The following PRKCG variants were observed in gnomAD, a reference collection of about 807,000 sequenced individuals.
PRKCG encodes the protein protein kinase C gamma type.
In PRKCG, 28 loss-of-function variants were observed where a neutral mutation model predicts 82.0. The observed-to-expected ratio is 0.34, with a 90% CI of 0.25 to 0.47. PRKCG has a LOEUF of 0.47. Ranked by LOEUF, PRKCG falls within the 20% of genes least tolerant of loss-of-function variation. The probability of loss-of-function intolerance (pLI) is 1.00; values close to 1 mark genes in which losing one functional copy is unlikely to be tolerated. For synonymous variants in PRKCG, 383 were observed against 376.6 expected (o/e 1.02, Z -0.20); for missense variants, 640 against 952.7 (o/e 0.67, Z 4.32).
chr19:53,896,523 G>T (rs559495983), intron 9 of PRKCG, among the ~76,000 whole-genome samples: 1 of 152,068 alleles, frequency 6.6e-6, no homozygotes, highest in Non-Finnish European at 1.5e-5. Context: ...GGGTTCAAGC[G>T]ATTCTCCTGC....
Position 53,906,817 on chromosome 19 carries a change from C to G in PRKCG, c.2016C>G (p.Gly672=). 6.2e-7 allele frequency: 1 copy of G among 1,613,808 alleles called. No individual in the cohort carries two copies. The highest frequency in any genetic ancestry group is 8.5e-7 in the Non-Finnish European group (1 of 1,180,018). Residue 672 remains glycine (G), a synonymous_variant, in exon 18 of 18, where the codon GGC becomes GGG. Transcript: ENST00000263431. ...LASIDQADFQ[G]FTYVNPDFVH... ...GCATCGACCAGGCCGATTTCCAGGGCTTCACCTACGTGAACCCCGACTTCG... is the reference window on the plus strand; with the variant it reads ...GCATCGACCAGGCCGATTTCCAGGGGTTCACCTACGTGAACCCCGACTTCG...
At chr19:53,891,919 G>A (rs997051082) in intron 6 of PRKCG, 89 bp downstream of exon 6, 6 of 1,563,030 alleles carry the variant, frequency 3.8e-6, no homozygotes, top group Non-Finnish European at 5.3e-6. Flanking sequence ...TGATGGGAGG[G>A]GTTAGGATAG....
chr19:53,893,302 T>C (rs1343907155), intron 8 of PRKCG, 60 bp from the exon 9 acceptor site: 1 of 1,558,970 alleles, frequency 6.4e-7, no homozygotes, highest in Admixed American at 1.7e-5. Flanking sequence ...CACCAGCCCC[T>C]GTTCTAGGGC....
rs2068757688 is a variant in PRKCG at position 53,900,745 on chromosome 19, C to T, written c.1571C>T (p.Pro524Leu). 3 of 1,614,178 alleles carry T rather than the reference C, an allele frequency of 1.9e-6. No homozygotes were observed. Among genetic ancestry groups the T allele is most frequent in the African/African-American group, 1.3e-5 (1 of 75,058 alleles). Residue 524 changes from proline to leucine, a missense_variant, in exon 14 of 18, where the codon CCG becomes CTG. Physicochemically the swap from Pro to Leu is moderately conservative, Grantham distance 98. Coordinates refer to ENST00000263431, the MANE Select transcript of PRKCG (RefSeq NM_002739.5). The surrounding 1 kb of genome is among the most constrained non-coding windows in gnomAD (Gnocchi z 4.2). ...TGCGGGACCCCGGACTACATAGCCC[C>T]GGAGGTAACCCCAACCCTGCTGCTC... ...TFCGTPDYIA[P>L]EIIAYQPYGK... is the part of the protein sequence containing the mutation.
At position 53,890,108 on chromosome 19, in the gene PRKCG, C is replaced by A. The variant is rs936194106; in HGVS notation, c.529+91C>A. ...CACTTGTGCTGGCCCAGCCCTACCC[C>A]AAAGATGGGGCCACGCCTCTTTCTA... is the stretch of plus-strand genomic sequence containing the variant. On this transcript the variant is annotated intron_variant, in intron 5 of 17. Transcript: ENST00000263431. 46 of 1,361,768 alleles carry A rather than the reference C, an allele frequency of 3.4e-5. No individual in the cohort carries two copies. The African/African-American group carries it at 5.9e-4, about 17-fold the overall frequency. The allele number at this position is 1,361,768 out of a possible 1,614,324, so 84.4% of individuals were successfully genotyped here.
Position 53,883,097 on chromosome 19 carries a change from G to T in PRKCG, c.171-66G>T, listed in dbSNP as rs947360043. ...GGGTCAGAGAGCGCAGGCCCCCTGT[G>T]GCTCGCAGAGGTTGGGGGTCCAGGT... On this transcript the variant is annotated intron_variant, in intron 1 of 17. Coordinates refer to ENST00000263431, the MANE Select transcript of PRKCG (RefSeq NM_002739.5). This position sits in a 1 kb window ranked among gnomAD's most constrained non-coding sequence, Gnocchi z 5.4. 7 of 1,596,612 alleles carry T rather than the reference G, an allele frequency of 4.4e-6. No individual in the cohort carries two copies. The African/African-American group carries it at 9.4e-5, about 21-fold the overall frequency.
At chr19:53,890,160 C>T (rs141893409) in intron 5 of PRKCG, 143 bp downstream of exon 5, 55 of 920,954 alleles carry the variant, frequency 6.0e-5, no homozygotes, top group Non-Finnish European at 8.9e-5. Flanking sequence ...CCTGACCCCA[C>T]CCCAAAGGCC....
chr19:53,898,733 C>A, intron 11 of PRKCG, 105 bp downstream of exon 11: 1 of 1,037,422 alleles, frequency 9.6e-7, no homozygotes, highest in Non-Finnish European at 1.3e-6. Context: ...GAACTTTGTG[C>A]TCTCTGAGTG....
Position 53,898,562 on chromosome 19 carries a change from G to T in PRKCG, c.1215G>T (p.Leu405=), listed in dbSNP as rs775111826. The part of the protein sequence containing the change: ...CTLVEKRVLA[L]GGRGPGGRPH... ...TGGTGGAGAAACGTGTGCTGGCGCT[G>T]GGGGGCCGGGGTCCTGGCGGCCGGC... Residue 405 remains leucine (L), a synonymous_variant, in exon 11 of 18, where the codon CTG becomes CTT. Transcript: ENST00000263431. 6.2e-7 allele frequency: 1 copy of T among 1,612,264 alleles called. No homozygotes were observed. The highest frequency in any genetic ancestry group is 8.5e-7 in the Non-Finnish European group (1 of 1,179,624).
In PRKCG at chr19:53,890,034, T is replaced by C. The variant is rs1157704760; in HGVS notation, c.529+17T>C. 2 of 1,548,656 alleles carry C rather than the reference T, an allele frequency of 1.3e-6. No individual in the cohort carries two copies. The highest frequency in any genetic ancestry group is 2.4e-5 in the South Asian group (2 of 84,330). On this transcript the variant is annotated intron_variant, in intron 5 of 17. Coordinates refer to ENST00000263431, the MANE Select transcript of PRKCG (RefSeq NM_002739.5). ...ACGTAACTGGTGAGGCCCCGCCCCC[T>C]CGCCTGGCCCCGCCCCCTCCCCAAG...
intron 14 of PRKCG, among the ~76,000 whole-genome samples, 182 bp from the exon 15 acceptor site, chr19:53,902,890 CA>C (rs56955659): frequency 0.17 from 3,313 of 19,878 alleles, 91 homozygotes; most frequent in East Asian, 0.33. Context: ...GAGACCCTGT[CA>C]AAAAAAAAAA....
At position 53,889,331 on chromosome 19, in the gene PRKCG, C is replaced by G. The variant is rs1297306964; in HGVS notation, c.286-307C>G. Among the ~76,000 whole-genome samples the G allele has an allele frequency of 2.0e-5, 3 of 152,166 alleles. No homozygotes were observed. Among genetic ancestry groups the G allele is most frequent in the African/African-American group, 7.2e-5 (3 of 41,436 alleles). On this transcript the variant is annotated intron_variant, in intron 3 of 17. Coordinates refer to ENST00000263431, the MANE Select transcript of PRKCG (RefSeq NM_002739.5). This position sits in a 1 kb window ranked among gnomAD's most constrained non-coding sequence, Gnocchi z 4.4. ...CTGCCTCATTTTTTCTCCAGAGCAC[C>G]CATTACCAACCATCAAACTATATGT...
chr19:53,904,624 C>T lies in PRKCG; in HGVS notation c.1657-11C>T, dbSNP rs775969103. The T allele has an allele frequency of 6.2e-7, 1 of 1,610,296 alleles. No homozygotes were observed. The highest frequency in any genetic ancestry group is 1.1e-5 in the South Asian group (1 of 90,306). ...CATGTCCCTGACTCTCTATCCCCTCCACTTTGATAGCCTCCCTTCGATGGG... is the reference window on the plus strand; with the variant it reads ...CATGTCCCTGACTCTCTATCCCCTCTACTTTGATAGCCTCCCTTCGATGGG... On this transcript the variant is annotated splice_polypyrimidine_tract_variant and intron_variant, in intron 15 of 17. Transcript: ENST00000263431.
In PRKCG at chr19:53,898,563, G is replaced by T; in HGVS notation, c.1216G>T (p.Gly406Trp). 6.2e-7 allele frequency: 1 copy of T among 1,612,438 alleles called. No individual in the cohort carries two copies. Among genetic ancestry groups the T allele is most frequent in the Non-Finnish European group, 8.5e-7 (1 of 1,179,712 alleles). The change falls in exon 11 of 18, where the codon GGG becomes TGG. Residue 406 changes from glycine (G) to tryptophan (W), a missense_variant. By Grantham distance (184) the Gly-to-Trp change is radical. Around this residue, in one of 7 missense-constraint regions of PRKCG, gnomAD observed 78 missense variants for 105.6 expected, o/e 0.74. Transcript: ENST00000263431. ...TLVEKRVLAL[G>W]GRGPGGRPHF... ...GGTGGAGAAACGTGTGCTGGCGCTG[G>T]GGGGCCGGGGTCCTGGCGGCCGGCC...
chr19:53,902,506 C>T (rs148278791), intron 14 of PRKCG, among the ~76,000 whole-genome samples: 28 of 152,204 alleles, frequency 1.8e-4, no homozygotes, highest in African/African-American at 6.3e-4. Context: ...GTGACTTGGC[C>T]GTTAGGTAGT....
intron 9 of PRKCG, 56 bp downstream of exon 9, chr19:53,893,447 T>A (rs765680419): frequency 6.5e-7 from 1 of 1,536,344 alleles, no homozygotes; most frequent in East Asian, 2.2e-5. Flanking sequence ...CTCTGATTTC[T>A]TATTCCTCCT....
chr19:53,897,495 C>G (rs532108893), intron 9 of PRKCG, among the ~76,000 whole-genome samples: 1 of 152,300 alleles, frequency 6.6e-6, no homozygotes, highest in East Asian at 1.9e-4. Context: ...GTTAGAAAAT[C>G]TGGCAGTGGG....
In PRKCG at chr19:53,882,756, G is replaced by A. The variant is rs544615043; in HGVS notation, c.170+92G>A. ...CCCCTGTGGAAGGAAGAAGGAGGGG[G>A]CTGTAGTCCCGACTCCCAGGTTCTA... On this transcript the variant is annotated intron_variant, in intron 1 of 17. Coordinates refer to ENST00000263431, the MANE Select transcript of PRKCG (RefSeq NM_002739.5). This position sits in a 1 kb window ranked among gnomAD's most constrained non-coding sequence, Gnocchi z 6.1. The A allele has an allele frequency of 1.2e-4, 177 of 1,507,124 alleles. No individual in the cohort carries two copies. The East Asian group carries it at 4.1e-3, about 35-fold the overall frequency. The allele number at this position is 1,507,124 out of a possible 1,614,324, so 93.4% of individuals were successfully genotyped here.
upstream of PRKCG, among the ~76,000 whole-genome samples, chr19:53,882,004 T>C (rs2068593645): frequency 1.3e-5 from 2 of 151,864 alleles, no homozygotes; most frequent in Non-Finnish European, 2.9e-5. The surrounding 1 kb of genome is among the most constrained non-coding windows in gnomAD (Gnocchi z 6.1). Context: ...GGATGACAGA[T>C]TGCAGGGTGG....
Sources: gnomAD v4.1 joint callset for allele counts (sites outside exome capture counted in the v4.1 genomes callset) on GRCh38, gnomAD v4.1.1 for gene constraint, gnomAD v4.1.1 regional missense constraint, Gnocchi (gnomAD v3.1) non-coding constraint, MANE v1.5 for transcripts, NCBI Gene and HGNC (gene_info 2026-07-23, HGNC 2026-07-21) for gene names.